The following IDS variants were observed in gnomAD, a reference collection of about 807,000 sequenced individuals.
IDS encodes iduronate 2-sulfatase, also known as alpha-L-iduronate sulfate sulfatase.
In IDS, 1 loss-of-function variant was observed where a neutral mutation model predicts 33.5. The observed-to-expected ratio is 0.03, with a 90% CI of 0.01 to 0.14. The LOEUF (loss-of-function observed/expected upper bound fraction) is 0.14. Among genes scored for constraint, IDS ranks in the 10% least tolerant of loss-of-function variants. The probability of loss-of-function intolerance (pLI) is 1.00; values close to 1 mark genes in which losing one functional copy is unlikely to be tolerated. For synonymous variants in IDS, 191 were observed against 184.4 expected (o/e 1.04, Z -0.29); for missense variants, 328 against 448.0 (o/e 0.73, Z 2.42).
chrX:149,478,818 G>A lies in IDS; in HGVS notation c.*3928C>T, dbSNP rs1448285297. The A allele has an allele frequency of 1.8e-5, 2 of 112,024 alleles. No homozygotes were observed. The highest frequency in any genetic ancestry group is 3.7e-4 in the South Asian group (1 of 2,700). The allele number at this position is 112,024 out of a possible 1,213,427, so 9.2% of individuals were successfully genotyped here. ...CAATGTCCAGATTGGGGAGGGGTCT[G>A]TGTGTTTAACAGGAAAAGATACAGA... On this transcript the variant is annotated 3_prime_UTR_variant, in exon 9 of 9. Coordinates refer to ENST00000340855, the MANE Select transcript of IDS (RefSeq NM_000202.8).
chrX:149,505,123 C>A lies in IDS; in HGVS notation c.15G>T (p.Arg5=), dbSNP rs2124069552. The A allele has an allele frequency of 1.7e-6, 2 of 1,195,010 alleles. No homozygotes were observed. Among genetic ancestry groups the A allele is most frequent in the East Asian group, 3.0e-5 (1 of 33,184 alleles). Residue 5 remains arginine, a synonymous_variant, in exon 1 of 9, where the codon CGG becomes CGT. Coordinates refer to ENST00000340855, the MANE Select transcript of IDS (RefSeq NM_000202.8). The part of the protein sequence containing the change: MPPP[R]TGRGLLWLGL... ...CCAGCCAGAGAAGGCCTCGGCCGGTCCGGGGTGGCGGCATTTCGGCTTCGA... is the reference window on the plus strand; with the variant it reads ...CCAGCCAGAGAAGGCCTCGGCCGGTACGGGGTGGCGGCATTTCGGCTTCGA...
chrX:149,485,823 G>A (rs782003405), intron 8 of IDS, among the ~76,000 whole-genome samples: 1 of 112,103 alleles, frequency 8.9e-6, no homozygotes, highest in Non-Finnish European at 1.9e-5. Flanking sequence ...TTCTATCAAT[G>A]ACATGAAAGA....
Position 149,505,060 on chromosome X carries a change from G to A in IDS, c.78C>T (p.Ser26=). Residue 26 remains serine (S), a synonymous_variant, in exon 1 of 9, where the codon TCC becomes TCT. Transcript: ENST00000340855. ...VLSSVCVALG[S]ETQANSTTDA... is the part of the protein sequence containing the mutation. ...CTGTGGTCGAGTTGGCCTGCGTTTC[G>A]GATCCGAGGGCGACGCAGACGGAGC... is the stretch of plus-strand genomic sequence containing the variant. 8.3e-7 allele frequency: 1 copy of A among 1,208,784 alleles called. No individual in the cohort carries two copies. Among genetic ancestry groups the A allele is most frequent in the Middle Eastern group, 2.3e-4 (1 of 4,344 alleles).
chrX:149,501,089 C>G (rs1557339941), intron 3 of IDS, 52 bp from the exon 4 acceptor site: 5 of 751,583 alleles, frequency 6.7e-6, no homozygotes, highest in Non-Finnish European at 1.0e-5. Flanking sequence ...CAACACCCCA[C>G]TCCCCATAAT....
intron 2 of IDS, among the ~76,000 whole-genome samples, chrX:149,503,861 C>T (rs1290270597): frequency 9.0e-6 from 1 of 111,663 alleles, no homozygotes; most frequent in Admixed American, 9.4e-5. Context: ...TTCTGCAGCA[C>T]CCCTTCCTTC....
At chrX:149,487,591 C>T (rs1480065371) in intron 7 of IDS, among the ~76,000 whole-genome samples, 4 of 112,066 alleles carry the variant, frequency 3.6e-5, no homozygotes, top group African/African-American at 9.7e-5. Flanking sequence ...GCAACACACT[C>T]GGCAAATTCA....
chrX:149,486,829 G>A, intron 8 of IDS, 96 bp downstream of exon 8: 1 of 958,009 alleles, frequency 1.0e-6, no homozygotes, highest in East Asian at 3.1e-5. Context: ...GGGGGGGTCT[G>A]TGTAACCCCC....
chrX:149,481,098 A>G lies in IDS; in HGVS notation c.*1648T>C, dbSNP rs144428481. The G allele has an allele frequency of 8.9e-6, 1 of 112,422 alleles. No individual in the cohort carries two copies. The highest frequency in any genetic ancestry group is 3.2e-5 in the African/African-American group (1 of 30,954). 9.3% of individuals were successfully genotyped at this position (112,422 alleles called of 1,213,427 possible). On this transcript the variant is annotated 3_prime_UTR_variant, in exon 9 of 9. Transcript: ENST00000340855. ...AGCCAAATGCACTGAACTATGTCATAAGGAATTTACAGGCTGTATTGTAAA... is the reference window on the plus strand; with the variant it reads ...AGCCAAATGCACTGAACTATGTCATGAGGAATTTACAGGCTGTATTGTAAA...
rs1032370242 is a variant in IDS at position 149,505,304 on chromosome X, A to C, written c.-167T>G. The C allele has an allele frequency of 1.3e-5, 4 of 307,239 alleles. No homozygotes were observed. Among genetic ancestry groups the C allele is most frequent in the Admixed American group, 5.9e-5 (1 of 16,846 alleles). The allele number at this position is 307,239 out of a possible 1,213,427, so 25.3% of individuals were successfully genotyped here. A position where few individuals can be genotyped will look rare whatever the true frequency, so the allele number is the denominator to read the frequency against. On this transcript the variant is annotated 5_prime_UTR_variant, in exon 1 of 9. Transcript: ENST00000340855. ...AGGCCCGGGCGCTGGCCGCAGCGCG[A>C]GTGCGTCCGTGCGACTCTTCCCTGC...
intron 4 of IDS, among the ~76,000 whole-genome samples, chrX:149,499,704 T>C (rs2089464597): frequency 1.8e-5 from 2 of 110,589 alleles, no homozygotes; most frequent in Admixed American, 9.6e-5. Context: ...TTTTATGGTA[T>C]ATGAACTCTA....
intron 6 of IDS, 49 bp downstream of exon 6, chrX:149,496,297 A>G: frequency 8.9e-7 from 1 of 1,121,416 alleles, no homozygotes; most frequent in South Asian, 1.8e-5. Flanking sequence ...TTCACCTACG[A>G]CACTATGTCA....
chrX:149,484,112 G>A (rs782365422), intron 8 of IDS, among the ~76,000 whole-genome samples: 20 of 112,650 alleles, frequency 1.8e-4, no homozygotes, highest in East Asian at 1.1e-3. Context: ...GCTATGAACA[G>A]TAATGTACAA....
chrX:149,496,376 C>T lies in IDS; in HGVS notation c.849G>A (p.Val283=). The part of the protein sequence containing the change: ...REDVQALNIS[V]PYGPIPVDFQ... Reference sequence around the variant, plus strand: ...AGTCCACAGGAATTGGACCATACGGCACACTGATGTTTAAGGCTTGGACGT... The same window carrying T: ...AGTCCACAGGAATTGGACCATACGGTACACTGATGTTTAAGGCTTGGACGT... The change falls in exon 6 of 9, where the codon GTG becomes GTA. Residue 283 remains valine, a synonymous_variant. Transcript: ENST00000340855. The T allele has an allele frequency of 8.3e-7, 1 of 1,211,648 alleles. No individual in the cohort carries two copies. Among genetic ancestry groups the T allele is most frequent in the Non-Finnish European group, 1.1e-6 (1 of 895,330 alleles).
At chrX:149,485,051 T>C (rs1277686402) in intron 8 of IDS, among the ~76,000 whole-genome samples, 2 of 111,803 alleles carry the variant, frequency 1.8e-5, no homozygotes, top group African/African-American at 6.5e-5. Flanking sequence ...TGTAGTCATG[T>C]GGAAGCAATC....
rs782051908 is a variant in IDS at position 149,496,472 on chromosome X, G to A, written c.753C>T (p.Pro251=). The stretch of plus-strand genomic sequence containing the variant: ...GTAGGCCATCAGGGACCTCGGGATC[G>A]GGGGCCAGGGTGATGTTCTCCAAGG... ...LYPLENITLA[P]DPEVPDGLPP... is the part of the protein sequence containing the mutation. Residue 251 remains proline (P), a synonymous_variant, in exon 6 of 9, where the codon CCC becomes CCT. Transcript: ENST00000340855. 6.5e-5 allele frequency: 79 copies of A among 1,209,026 alleles called. No homozygotes were observed. The highest frequency in any genetic ancestry group is 8.4e-5 in the Non-Finnish European group (75 of 894,452).
In IDS at chrX:149,496,171, C is replaced by T. The variant is rs984119608; in HGVS notation, c.879+175G>A. 6.2e-5 allele frequency among the ~76,000 whole-genome samples: 7 copies of T among 112,311 alleles called. No homozygotes were observed. In the East Asian group the frequency reaches 1.9e-3, roughly 31 times the overall value. Reference sequence around the variant, plus strand: ...AGAGTCCTGATCCAGGCAACACTGCCTGTGTCCTAAATACCTATAGGACAC... The same window carrying T: ...AGAGTCCTGATCCAGGCAACACTGCTTGTGTCCTAAATACCTATAGGACAC... On this transcript the variant is annotated intron_variant, in intron 6 of 8. Coordinates refer to ENST00000340855, the MANE Select transcript of IDS (RefSeq NM_000202.8).
At chrX:149,490,493 G>A in intron 6 of IDS, 53 bp from the exon 7 acceptor site, 1 of 1,154,418 alleles carries the variant, frequency 8.7e-7, no homozygotes, top group East Asian at 3.0e-5. Flanking sequence ...AAATTGCCAA[G>A]GCATACAGAG....
Position 149,505,247 on chromosome X carries a change from G to T in IDS, c.-110C>A. ...GACCTCCTCGTCGGGAACCCATGAA[G>T]ACTGCGCAACACAGCCGCCGCCCGG... On this transcript the variant is annotated 5_prime_UTR_variant, in exon 1 of 9. Transcript: ENST00000340855. The T allele has an allele frequency of 2.0e-6, 1 of 489,529 alleles. No homozygotes were observed. The highest frequency in any genetic ancestry group is 4.2e-5 in the East Asian group (1 of 23,785). 40.3% of individuals were successfully genotyped at this position (489,529 alleles called of 1,213,427 possible).
chrX:149,483,888 T>C (rs1352711876), intron 8 of IDS, among the ~76,000 whole-genome samples: 4 of 112,619 alleles, frequency 3.6e-5, no homozygotes, highest in Admixed American at 2.8e-4. Flanking sequence ...AGATACCTCA[T>C]AGGAGTGGGA....
Sources: gnomAD v4.1 joint callset for allele counts (sites outside exome capture counted in the v4.1 genomes callset) on GRCh38, gnomAD v4.1.1 for gene constraint, MANE v1.5 for transcripts, NCBI Gene and HGNC (gene_info 2026-07-23, HGNC 2026-07-21) for gene names.